Variants in PRKN observed in about 807,000 individuals in gnomAD.
The protein encoded by PRKN is E3 ubiquitin-protein ligase parkin.
A neutral mutation model predicts 59.5 loss-of-function variants in PRKN; 56 were observed. The observed-to-expected ratio is 0.94, with a 90% CI of 0.76 to 1.18. The LOEUF is 1.18. Ranked by LOEUF, PRKN falls within the 50% of genes most tolerant of loss-of-function variation. The pLI is 0.00. For synonymous variants in PRKN, 250 were observed against 222.1 expected (o/e 1.13, Z -1.12); for missense variants, 657 against 596.4 (o/e 1.10, Z -1.06).
intron 6 of PRKN, among the ~76,000 whole-genome samples, chr6:161,793,761 G>A (rs1790730086): frequency 6.6e-6 from 1 of 152,058 alleles, no homozygotes; most frequent in Non-Finnish European, 1.5e-5. Context: ...AGAAGAGGCT[G>A]AACAAACTAA....
At chr6:161,939,624 C>T (rs1042062597) in intron 6 of PRKN, among the ~76,000 whole-genome samples, 18 of 145,698 alleles carry the variant, frequency 1.2e-4, no homozygotes, top group Admixed American at 4.1e-4. Flanking sequence ...CCCAGCTACT[C>T]GGGAGGCTGA....
At chr6:162,305,318 T>C (rs1452350618) in intron 2 of PRKN, among the ~76,000 whole-genome samples, 1 of 152,202 alleles carries the variant, frequency 6.6e-6, no homozygotes. Flanking sequence ...GTTAATATTA[T>C]GATACATCCA....
chr6:161,569,508 G>T, intron 7 of PRKN, 92 bp from the exon 8 acceptor site: 1 of 1,107,076 alleles, frequency 9.0e-7, no homozygotes, highest in Non-Finnish European at 1.4e-6. Flanking sequence ...AACTGCCAGT[G>T]TTGCCTTTTG....
intron 6 of PRKN, among the ~76,000 whole-genome samples, chr6:161,793,926 A>G (rs773302513): frequency 6.6e-6 from 1 of 152,108 alleles, no homozygotes; most frequent in African/African-American, 2.4e-5. Context: ...TCAACATCCC[A>G]TCTGGGGTAT....
chr6:161,701,889 C>T (rs896519632), intron 7 of PRKN, among the ~76,000 whole-genome samples: 2 of 152,102 alleles, frequency 1.3e-5, no homozygotes, highest in Non-Finnish European at 2.9e-5. Context: ...ATTTGAATGG[C>T]GGGCATCCAG....
chr6:162,415,574 C>A (rs145295622), intron 2 of PRKN, among the ~76,000 whole-genome samples: 1 of 152,086 alleles, frequency 6.6e-6, no homozygotes, highest in Admixed American at 6.6e-5. Context: ...AATCCCAGCA[C>A]TTTGGGAGGG....
chr6:162,140,553 G>A (rs757913898), intron 4 of PRKN, among the ~76,000 whole-genome samples: 4 of 152,058 alleles, frequency 2.6e-5, no homozygotes, highest in Non-Finnish European at 4.4e-5. Flanking sequence ...CTGCTTTTCC[G>A]GCTTTCTTCC....
chr6:162,037,607 C>T (rs967514566), intron 5 of PRKN, among the ~76,000 whole-genome samples: 10 of 150,494 alleles, frequency 6.6e-5, no homozygotes, highest in African/African-American at 2.5e-4. Context: ...AGTGCAGTGG[C>T]GTGATCTCGG....
rs149909798 is a variant in PRKN at position 161,537,733 on chromosome 6, G to A, written c.1083+11121C>T. On this transcript the variant is annotated intron_variant, in intron 9 of 11. Coordinates refer to ENST00000366898, the MANE Select transcript of PRKN (RefSeq NM_004562.3). ...CCCAAAGTGCTGGGATTACAGGCGT[G>A]AGCCACTGCGCCCGGCCTCAAATTC... Among the ~76,000 whole-genome samples the A allele has an allele frequency of 6.4e-3, 969 of 152,318 alleles. 10 individuals carry two copies. The highest frequency in any genetic ancestry group is 0.021 in the African/African-American group (879 of 41,574).
intron 6 of PRKN, among the ~76,000 whole-genome samples, chr6:161,848,317 G>C (rs894446980): frequency 2.6e-5 from 4 of 151,920 alleles, no homozygotes; most frequent in African/African-American, 9.7e-5. Context: ...TATATGATTT[G>C]ATGTCACAAA....
chr6:161,944,248 A>T (rs1779699048), intron 6 of PRKN, among the ~76,000 whole-genome samples: 1 of 152,168 alleles, frequency 6.6e-6, no homozygotes, highest in African/African-American at 2.4e-5. Flanking sequence ...ATATAATTTC[A>T]AGATACTGTC....
At chr6:162,191,725 G>A (rs1245118003) in intron 4 of PRKN, among the ~76,000 whole-genome samples, 1 of 152,198 alleles carries the variant, frequency 6.6e-6, no homozygotes, top group African/African-American at 2.4e-5. Context: ...TTACAGGTGT[G>A]AGCCACCGTG....
intron 9 of PRKN, among the ~76,000 whole-genome samples, chr6:161,427,971 G>T (rs1197833342): frequency 3.9e-5 from 6 of 152,154 alleles, no homozygotes; most frequent in African/African-American, 1.2e-4. Context: ...GAGAAGCTTT[G>T]GTGCGGGGAT....
chr6:162,391,250 C>T lies in PRKN; in HGVS notation c.171+52060G>A, dbSNP rs146596968. Among the ~76,000 whole-genome samples, 405 of 152,094 alleles carry T rather than the reference C, an allele frequency of 2.7e-3. 1 individual carries two copies. The highest frequency in any genetic ancestry group is 9.3e-3 in the African/African-American group (385 of 41,496). ...CCAGGAAGATAATTTTCTTACTGCG[C>T]ATGCTTGACGTGGATTTCGAAAATC... On this transcript the variant is annotated intron_variant, in intron 2 of 11. Transcript: ENST00000366898.
Position 161,473,634 on chromosome 6 carries a change from G to A in PRKN, c.1083+75220C>T, listed in dbSNP as rs1390445603. On this transcript the variant is annotated intron_variant, in intron 9 of 11. Transcript: ENST00000366898. The surrounding 1 kb of genome is among the most constrained non-coding windows in gnomAD (Gnocchi z 4.1). ...GTCAAAGCATACAAAGTTACAGGTAGGACAAATATTCTAGAAATGTACTAG... is the reference window on the plus strand; with the variant it reads ...GTCAAAGCATACAAAGTTACAGGTAAGACAAATATTCTAGAAATGTACTAG... Among the ~76,000 whole-genome samples, 1 of 151,494 alleles carries A rather than the reference G, an allele frequency of 6.6e-6. No individual in the cohort carries two copies. The highest frequency in any genetic ancestry group is 1.5e-5 in the Non-Finnish European group (1 of 67,944).
intron 1 of PRKN, among the ~76,000 whole-genome samples, chr6:162,450,840 G>T (rs1790591894): frequency 6.6e-6 from 1 of 152,092 alleles, no homozygotes; most frequent in African/African-American, 2.4e-5. Flanking sequence ...GTAAAACTAA[G>T]AATATCCAAA....
intron 6 of PRKN, among the ~76,000 whole-genome samples, chr6:161,803,995 A>G (rs1428631749): frequency 6.6e-6 from 1 of 152,232 alleles, no homozygotes; most frequent in African/African-American, 2.4e-5. Context: ...GCCTGCTGCC[A>G]TCAGACACAT....
intron 1 of PRKN, among the ~76,000 whole-genome samples, chr6:162,587,860 A>T (rs1781126769): frequency 6.6e-6 from 1 of 152,136 alleles, no homozygotes; most frequent in African/African-American, 2.4e-5. Context: ...CATGCAGAAT[A>T]AAGGGAGAGA....
At chr6:161,868,899 G>A (rs562132082) in intron 6 of PRKN, among the ~76,000 whole-genome samples, 27 of 152,244 alleles carry the variant, frequency 1.8e-4, no homozygotes, top group African/African-American at 6.0e-4. Flanking sequence ...GACTTCAATG[G>A]CTGGTGTGTT....
Sources: allele counts gnomAD v4.1 joint callset (sites outside exome capture counted in the v4.1 genomes callset), GRCh38; gene constraint gnomAD v4.1.1; non-coding constraint Gnocchi (gnomAD v3.1); transcripts MANE v1.5; gene names NCBI Gene and HGNC (gene_info 2026-07-23, HGNC 2026-07-21).